Variants in NME9 observed in about 807,000 individuals in gnomAD.
The protein encoded by NME9 is thioredoxin domain-containing protein 6.
A neutral mutation model predicts 44.4 loss-of-function variants in NME9; 48 were observed. The observed-to-expected ratio is 1.08, with a 90% CI of 0.86 to 1.37. The LOEUF (loss-of-function observed/expected upper bound fraction) is 1.37, where lower values mean the gene tolerates loss of function less well. NME9 is among the 40% of genes most tolerant of loss of function. The probability of loss-of-function intolerance (pLI) is 0.00; values close to 1 mark genes in which losing one functional copy is unlikely to be tolerated. For synonymous variants in NME9, 139 were observed against 147.1 expected (o/e 0.94, Z 0.40); for missense variants, 325 against 405.2 (o/e 0.80, Z 1.70).
At chr3:138,311,872 C>T (rs1233256028) in intron 6 of NME9, among the ~76,000 whole-genome samples, 5 of 151,942 alleles carry the variant, frequency 3.3e-5, no homozygotes, top group African/African-American at 1.2e-4. Context: ...TTCAAAGACC[C>T]CACCAAAAAA....
Position 138,329,374 on chromosome 3 carries a change from T to C in NME9, c.-39A>G. ...AGACGAAGCCCTGTTACCGCGGCCG[T>C]GGGCCGTTCCCCCGCAGCCTCGCGA... On this transcript the variant is annotated 5_prime_UTR_variant, in exon 1 of 11. Coordinates refer to ENST00000333911, the MANE Select transcript of NME9 (RefSeq NM_001349018.2). The C allele has an allele frequency of 6.5e-7, 1 of 1,535,920 alleles. No homozygotes were observed. The highest frequency in any genetic ancestry group is 2.4e-5 in the East Asian group (1 of 40,898).
intron 4 of NME9, among the ~76,000 whole-genome samples, chr3:138,316,768 C>G (rs1446144944): frequency 6.6e-6 from 1 of 152,156 alleles, no homozygotes; most frequent in Non-Finnish European, 1.5e-5. Flanking sequence ...ACACCCGCCA[C>G]CAGGCCTGGC....
chr3:138,270,549 A>C (rs1389925819), intron 8 of NME9, among the ~76,000 whole-genome samples: 1 of 152,194 alleles, frequency 6.6e-6, no homozygotes, highest in African/African-American at 2.4e-5. Context: ...AAGGCACAGA[A>C]TGATTATTTT....
chr3:138,300,915 G>A (rs988401559), downstream of NME9: 9 of 246,850 alleles, frequency 3.6e-5, no homozygotes, highest in East Asian at 1.8e-4. Context: ...TATCTGCCTC[G>A]GCATCAGTGT....
chr3:138,315,549 GC>G lies in NME9; in HGVS notation c.361del (p.Ala121LeufsTer8). On this transcript the variant is annotated frameshift_variant, in exon 5 of 11. Transcript: ENST00000333911. LOFTEE classifies it high-confidence loss of function. ...TACCACTTTCCGTTCTCTGCCTTCAGCCAGCACTTTCTTTTCGGCCTCCAGC... is the reference window on the plus strand; with the variant it reads ...TACCACTTTCCGTTCTCTGCCTTCAGCAGCACTTTCTTTTCGGCCTCCAGC... The part of the protein sequence containing the change: ...DQLEAEKKVL[A>X]EGRERKVIKD... 1 of 1,536,450 alleles carries G rather than the reference GC, an allele frequency of 6.5e-7. No individual in the cohort carries two copies.
At chr3:138,314,591 C>G (rs2052939102) in intron 5 of NME9, among the ~76,000 whole-genome samples, 184 bp from the exon 6 acceptor site, 2 of 152,162 alleles carry the variant, frequency 1.3e-5, no homozygotes, top group African/African-American at 4.8e-5. Flanking sequence ...GTGGGACTGA[C>G]AGAATTAGAA....
chr3:138,282,631 A>C (rs1157965636), intron 8 of NME9, among the ~76,000 whole-genome samples: 1 of 142,324 alleles, frequency 7.0e-6, no homozygotes, highest in African/African-American at 2.7e-5. Flanking sequence ...GTGAGACTCC[A>C]TCTCAAAAAA....
At chr3:138,323,986 G>C (rs1302718911) in intron 2 of NME9, among the ~76,000 whole-genome samples, 1 of 152,142 alleles carries the variant, frequency 6.6e-6, no homozygotes, top group Non-Finnish European at 1.5e-5. Context: ...GCAGAGTATG[G>C]CAAAAGCAAT....
chr3:138,287,085 A>G (rs1268802780), intron 8 of NME9, among the ~76,000 whole-genome samples: 1 of 152,200 alleles, frequency 6.6e-6, no homozygotes, highest in Non-Finnish European at 1.5e-5. Flanking sequence ...ATATAACAGT[A>G]TCTTCCTTGA....
downstream of NME9, chr3:138,296,329 A>G (rs566539732): frequency 2.0e-5 from 3 of 153,400 alleles, no homozygotes; most frequent in South Asian, 4.1e-4. Flanking sequence ...TTGTGTGAAA[A>G]TCTCTTTTCT....
chr3:138,284,090 T>G (rs2108357332), intron 8 of NME9, among the ~76,000 whole-genome samples: 1 of 152,332 alleles, frequency 6.6e-6, no homozygotes, highest in East Asian at 1.9e-4. Flanking sequence ...CACAAGAGCT[T>G]CTCTTAGAAA....
At chr3:138,303,195 T>C (rs2051965111) in intron 10 of NME9, 1 of 241,272 alleles carries the variant, frequency 4.1e-6, no homozygotes, top group Non-Finnish European at 8.3e-6. Flanking sequence ...TTCAGAAAGT[T>C]AATGAAATTT....
At chr3:138,307,948 C>T (rs967721058) in intron 6 of NME9, among the ~76,000 whole-genome samples, 3 of 152,232 alleles carry the variant, frequency 2.0e-5, no homozygotes, top group Non-Finnish European at 2.9e-5. Context: ...GAGTAGTGAG[C>T]GCAGAGGCCA....
intron 9 of NME9, 70 bp from the exon 10 acceptor site, chr3:138,303,713 A>T (rs550570071): frequency 2.1e-6 from 3 of 1,452,920 alleles, no homozygotes; most frequent in African/African-American, 1.4e-5. Flanking sequence ...CTTTCTGGCA[A>T]CATGATCACC....
At chr3:138,267,907 C>G (rs539594154) in intron 8 of NME9, among the ~76,000 whole-genome samples, 1 of 152,084 alleles carries the variant, frequency 6.6e-6, no homozygotes, top group Admixed American at 6.6e-5. Context: ...CATTATAACA[C>G]TTGTAGGCAT....
At chr3:138,285,826 G>A (rs1223381464) in intron 8 of NME9, among the ~76,000 whole-genome samples, 1 of 152,052 alleles carries the variant, frequency 6.6e-6, no homozygotes, top group Non-Finnish European at 1.5e-5. Flanking sequence ...ACTTCAACCA[G>A]GGATTCCCTT....
intron 6 of NME9, among the ~76,000 whole-genome samples, chr3:138,312,242 ATTC>A (rs1343083507): frequency 1.3e-5 from 2 of 152,180 alleles, no homozygotes; most frequent in Admixed American, 1.3e-4. Flanking sequence ...TACCAAAGAC[ATTC>A]TTCTCAGAAA....
chr3:138,289,171 T>G, intron 8 of NME9: 1 of 1,449,998 alleles, frequency 6.9e-7, no homozygotes, highest in Middle Eastern at 1.8e-4. Context: ...AAGAGTGTCT[T>G]GCACAGGGAA....
At chr3:138,278,656 GA>G (rs1407300570) in intron 8 of NME9, among the ~76,000 whole-genome samples, 2 of 152,106 alleles carry the variant, frequency 1.3e-5, no homozygotes, top group Non-Finnish European at 2.9e-5. Flanking sequence ...GGGAGGACGT[GA>G]CATCTTAACA....
Sources: allele counts gnomAD v4.1 joint callset (sites outside exome capture counted in the v4.1 genomes callset), GRCh38; gene constraint gnomAD v4.1.1; transcripts MANE v1.5; gene names NCBI Gene and HGNC (gene_info 2026-07-23, HGNC 2026-07-21).